SOX6: variants seen among roughly 807,000 people sequenced by gnomAD.
The protein encoded by SOX6 is SRY-box transcription factor 6.
Under a neutral mutation model 97.8 loss-of-function variants are expected in SOX6, and 11 were observed. The observed-to-expected ratio is 0.11, with a 90% CI of 0.07 to 0.19. SOX6 has a LOEUF of 0.19. SOX6 is among the 10% of genes least tolerant of loss of function. SOX6 has a pLI of 1.00. For synonymous variants in SOX6, 360 were observed against 371.4 expected, an observed-to-expected ratio of 0.97 and a Z score of 0.35; for missense variants, 810 against 1,039.5, an observed-to-expected ratio of 0.78 and a Z score of 3.04.
At chr11:16,260,683 C>T (rs1038062612) in intron 3 of SOX6, among the ~76,000 whole-genome samples, 2 of 152,124 alleles carry the variant, frequency 1.3e-5, no homozygotes, top group African/African-American at 2.4e-5. Flanking sequence ...CATTATCATC[C>T]GAAGACAAGT....
chr11:16,475,894 A>T (rs756808241), intron 1 of SOX6, among the ~76,000 whole-genome samples: 2 of 152,166 alleles, frequency 1.3e-5, no homozygotes, highest in Admixed American at 6.5e-5. Context: ...TGAATTCTAC[A>T]TTGTCTCACA....
chr11:16,364,817 A>T (rs1857308810), intron 1 of SOX6, among the ~76,000 whole-genome samples: 1 of 152,082 alleles, frequency 6.6e-6, no homozygotes, highest in Admixed American at 6.6e-5. Context: ...GAATATCAAA[A>T]CTTTGGAGTC....
intron 9 of SOX6, among the ~76,000 whole-genome samples, chr11:16,086,784 C>T (rs1405700395): frequency 1.3e-5 from 2 of 152,170 alleles, no homozygotes; most frequent in Non-Finnish European, 2.9e-5. Flanking sequence ...AGTTCTACTG[C>T]TCATTAAATT....
chr11:16,370,979 A>G (rs1175669874), intron 1 of SOX6, among the ~76,000 whole-genome samples: 1 of 152,056 alleles, frequency 6.6e-6, no homozygotes, highest in Non-Finnish European at 1.5e-5. Flanking sequence ...AACAACCAAA[A>G]TGATCCTTTT....
At chr11:16,368,430 C>T (rs1179056397) in intron 1 of SOX6, among the ~76,000 whole-genome samples, 2 of 151,972 alleles carry the variant, frequency 1.3e-5, no homozygotes, top group South Asian at 2.1e-4. Flanking sequence ...TGCAGTGAGC[C>T]GCAATCTCAC....
chr11:16,088,077 T>G (rs1449649796), intron 9 of SOX6, among the ~76,000 whole-genome samples: 1 of 152,164 alleles, frequency 6.6e-6, no homozygotes, highest in Non-Finnish European at 1.5e-5. Flanking sequence ...AAAATTTTTT[T>G]GCTGAGTAAT....
At chr11:16,063,958 G>A (rs573547498) in intron 9 of SOX6, among the ~76,000 whole-genome samples, 7 of 151,550 alleles carry the variant, frequency 4.6e-5, no homozygotes, top group East Asian at 3.9e-4. Flanking sequence ...ACTGTCCAAG[G>A]AGAAGAAAGA....
chr11:16,343,144 C>T (rs1295836627), intron 1 of SOX6, among the ~76,000 whole-genome samples: 2 of 151,758 alleles, frequency 1.3e-5, no homozygotes, highest in African/African-American at 2.4e-5. Context: ...ACTTTACCGG[C>T]CCCATAACTA....
chr11:16,203,518 A>G (rs954025647), intron 4 of SOX6, among the ~76,000 whole-genome samples: 1 of 152,140 alleles, frequency 6.6e-6, no homozygotes, highest in Non-Finnish European at 1.5e-5. Flanking sequence ...CAAACCAAAG[A>G]CAAGAGTTCC....
At chr11:16,638,126 A>G (rs1238207201) in intron 3 of SOX6, among the ~76,000 whole-genome samples, 1 of 139,584 alleles carries the variant, frequency 7.2e-6, no homozygotes, top group Non-Finnish European at 1.5e-5. Context: ...TCATTGTTCA[A>G]TTCCCACCTA....
chr11:16,633,903 C>T lies in SOX6; in HGVS notation n.430-21643G>A, dbSNP rs117119991. Among the ~76,000 whole-genome samples the T allele has an allele frequency of 7.3e-3, 1,119 of 152,252 alleles. 2 individuals carry two copies. Among genetic ancestry groups the T allele is most frequent in the Non-Finnish European group, 0.011 (767 of 68,016 alleles). On this transcript the variant is annotated intron_variant and non_coding_transcript_variant, in intron 3 of 5. Coordinates refer to the SOX6 transcript ENST00000524520. Reference sequence around the variant, plus strand: ...TTGCCTTATAAAATAAAAACATCAGCTTCATTTGTAGGACTATAAAATAAT... The same window carrying T: ...TTGCCTTATAAAATAAAAACATCAGTTTCATTTGTAGGACTATAAAATAAT...
rs180723577 is a variant in SOX6, at chr11:16,245,462, G to A, written c.446-10791C>T. Among the ~76,000 whole-genome samples the A allele has an allele frequency of 2.4e-3, 367 of 151,588 alleles. 3 individuals carry two copies. Among genetic ancestry groups the A allele is most frequent in the Non-Finnish European group, 2.5e-3 (171 of 67,594 alleles). ...AGGTTAAGTTGATAATTTTGTTCAGGTCTTCTACAGTCTTACAGATTTTTC... is the reference window on the plus strand; with the variant it reads ...AGGTTAAGTTGATAATTTTGTTCAGATCTTCTACAGTCTTACAGATTTTTC... On this transcript the variant is annotated intron_variant, in intron 3 of 15. Transcript: ENST00000683767.
chr11:16,447,826 A>G (rs1859643516), intron 1 of SOX6, among the ~76,000 whole-genome samples: 1 of 152,232 alleles, frequency 6.6e-6, no homozygotes, highest in Admixed American at 6.5e-5. Context: ...CTACTGTACA[A>G]GACAGTGATA....
At chr11:16,201,629 T>C (rs1851940424) in intron 4 of SOX6, among the ~76,000 whole-genome samples, 2 of 133,564 alleles carry the variant, frequency 1.5e-5, no homozygotes, top group Non-Finnish European at 3.0e-5. Flanking sequence ...AGTATTTTTT[T>C]TTTTTTCTTT....
chr11:16,145,601 C>T lies in SOX6; in HGVS notation c.778-33678G>A, dbSNP rs569425794. Among the ~76,000 whole-genome samples, 7 of 152,186 alleles carry T rather than the reference C, an allele frequency of 4.6e-5. No individual in the cohort carries two copies. The South Asian group carries it at 1.5e-3, about 32-fold the overall frequency. Reference sequence around the variant, plus strand: ...TGACCTGATTGTATATTTAGAAAACCCCATCGTCTCAGCCCAAAATCTCCT... The same window carrying T: ...TGACCTGATTGTATATTTAGAAAACTCCATCGTCTCAGCCCAAAATCTCCT... On this transcript the variant is annotated intron_variant, in intron 6 of 15. Coordinates refer to ENST00000683767, the MANE Select transcript of SOX6 (RefSeq NM_001367873.1).
intron 12 of SOX6, among the ~76,000 whole-genome samples, chr11:16,039,956 G>T (rs553422581): frequency 6.6e-6 from 1 of 151,902 alleles, no homozygotes; most frequent in Non-Finnish European, 1.5e-5. Context: ...GAAGAGATTA[G>T]ATCTAGAAGG....
At chr11:15,992,748 G>A (rs1345161450) in intron 13 of SOX6, among the ~76,000 whole-genome samples, 1 of 152,104 alleles carries the variant, frequency 6.6e-6, no homozygotes, top group Non-Finnish European at 1.5e-5. Flanking sequence ...GAAGGTTTCT[G>A]CTTTTCTGTC....
chr11:16,406,482 C>T (rs73433517), intron 1 of SOX6, among the ~76,000 whole-genome samples: 6,884 of 152,166 alleles, frequency 0.045, 490 homozygotes, highest in African/African-American at 0.15. Flanking sequence ...TTCAACTCTG[C>T]TCCATATGTC....
intron 2 of SOX6, among the ~76,000 whole-genome samples, chr11:16,331,054 G>A (rs1368342130): frequency 2.6e-5 from 4 of 152,166 alleles, no homozygotes; most frequent in African/African-American, 7.2e-5. Context: ...TATGCCTGGA[G>A]AGTCTCAAAT....
Sources: allele counts gnomAD v4.1 joint callset (sites outside exome capture counted in the v4.1 genomes callset), GRCh38; gene constraint gnomAD v4.1.1; transcripts MANE v1.5; gene names NCBI Gene and HGNC (gene_info 2026-07-23, HGNC 2026-07-21).